The following DCC variants were observed in gnomAD, a reference collection of about 807,000 sequenced individuals.
DCC encodes the protein netrin receptor DCC.
Under a neutral mutation model 172.5 loss-of-function variants are expected in DCC, and 58 were observed. That is an observed-to-expected ratio of 0.34 (90% confidence interval 0.27 to 0.42). The LOEUF (loss-of-function observed/expected upper bound fraction) is 0.42, where lower values mean the gene tolerates loss of function less well. Ranked by LOEUF, DCC falls within the 10% of genes least tolerant of loss-of-function variation. The probability of loss-of-function intolerance (pLI) is 1.00; values close to 1 mark genes in which losing one functional copy is unlikely to be tolerated. For synonymous variants in DCC, 709 were observed against 644.5 expected (o/e 1.10, Z -1.52); for missense variants, 1,740 against 1,791.0 (o/e 0.97, Z 0.51).
chr18:52,348,677 T>C (rs994216326), intron 1 of DCC, among the ~76,000 whole-genome samples: 1 of 152,228 alleles, frequency 6.6e-6, no homozygotes, highest in African/African-American at 2.4e-5. Context: ...CTGTTTCTTC[T>C]ACTAAGCAAC....
chr18:52,528,661 G>T (rs2032054247), intron 1 of DCC, among the ~76,000 whole-genome samples: 1 of 151,866 alleles, frequency 6.6e-6, no homozygotes, highest in Non-Finnish European at 1.5e-5. Context: ...TCATCATCAG[G>T]GAGATAGCAC....
chr18:52,574,122 A>T (rs973209036), intron 1 of DCC, among the ~76,000 whole-genome samples: 1 of 152,176 alleles, frequency 6.6e-6, no homozygotes, highest in Non-Finnish European at 1.5e-5. Flanking sequence ...TTGAATTTCT[A>T]TGATGTTGTT....
intron 7 of DCC, among the ~76,000 whole-genome samples, chr18:53,142,045 A>G (rs1032748316): frequency 2.6e-5 from 4 of 152,204 alleles, no homozygotes; most frequent in Non-Finnish European, 5.9e-5. Flanking sequence ...TGCTATGCCC[A>G]CTGGAGCACA....
chr18:53,483,994 GATA>G (rs2045870454), intron 25 of DCC, among the ~76,000 whole-genome samples: 4 of 151,108 alleles, frequency 2.6e-5, no homozygotes, highest in Non-Finnish European at 4.4e-5. Flanking sequence ...TAGATAGATA[GATA>G]GATAGATAGA....
chr18:53,163,154 C>A (rs1330475718), intron 8 of DCC, among the ~76,000 whole-genome samples: 1 of 152,160 alleles, frequency 6.6e-6, no homozygotes, highest in Non-Finnish European at 1.5e-5. Flanking sequence ...AAGACTAGTT[C>A]TTATTCATAA....
chr18:53,168,553 T>C (rs1381283727), intron 8 of DCC, among the ~76,000 whole-genome samples: 1 of 67,854 alleles, frequency 1.5e-5, no homozygotes, highest in Non-Finnish European at 2.7e-5. Context: ...CATCACACAC[T>C]GGGGTCTGTC....
At chr18:53,034,835 G>C (rs2042071459) in intron 5 of DCC, among the ~76,000 whole-genome samples, 1 of 151,940 alleles carries the variant, frequency 6.6e-6, no homozygotes, top group Admixed American at 6.6e-5. Flanking sequence ...CAGCCATGCT[G>C]GCCAACTTTT....
chr18:52,761,658 A>G (rs971313782), intron 2 of DCC, among the ~76,000 whole-genome samples: 1 of 152,126 alleles, frequency 6.6e-6, no homozygotes, highest in Non-Finnish European at 1.5e-5. Context: ...ACCCATGCAC[A>G]CACACACACC....
intron 1 of DCC, among the ~76,000 whole-genome samples, chr18:52,702,946 C>T (rs1366954711): frequency 6.6e-6 from 1 of 152,152 alleles, no homozygotes; most frequent in Non-Finnish European, 1.5e-5. Flanking sequence ...TTCGTTTCAA[C>T]TTAACTTTCT....
intron 1 of DCC, among the ~76,000 whole-genome samples, chr18:52,669,459 T>G (rs2144965620): frequency 6.6e-6 from 1 of 152,346 alleles, no homozygotes; most frequent in African/African-American, 2.4e-5. Flanking sequence ...ATAAGTTCCT[T>G]GCAAAGTTAG....
chr18:52,691,757 G>C (rs759281398), intron 1 of DCC, among the ~76,000 whole-genome samples: 1 of 152,024 alleles, frequency 6.6e-6, no homozygotes, highest in African/African-American at 2.4e-5. Context: ...ACCATTGTAC[G>C]GGGCACAGTT....
chr18:53,124,303 A>G (rs965347735), intron 7 of DCC, among the ~76,000 whole-genome samples: 7 of 152,108 alleles, frequency 4.6e-5, no homozygotes, highest in Non-Finnish European at 8.8e-5. Context: ...TAATTTGTAA[A>G]TATTTAATAT....
At chr18:53,285,221 G>A (rs146027002) in intron 12 of DCC, among the ~76,000 whole-genome samples, 4 of 152,256 alleles carry the variant, frequency 2.6e-5, no homozygotes, top group East Asian at 1.9e-4. Flanking sequence ...TGTCTCCAAC[G>A]CATGCCAGAT....
intron 5 of DCC, among the ~76,000 whole-genome samples, chr18:52,950,565 G>A (rs1367302819): frequency 1.3e-5 from 2 of 152,172 alleles, no homozygotes; most frequent in East Asian, 3.9e-4. Context: ...CTCACCAAGA[G>A]AGAAGGGTTA....
At chr18:53,351,941 G>C (rs975897566) in intron 15 of DCC, among the ~76,000 whole-genome samples, 1 of 151,896 alleles carries the variant, frequency 6.6e-6, no homozygotes, top group African/African-American at 2.4e-5. Context: ...AAAAGCCCAA[G>C]CTATTTTGTT....
chr18:53,427,170 T>C (rs1477043374), intron 21 of DCC, among the ~76,000 whole-genome samples: 1 of 152,120 alleles, frequency 6.6e-6, no homozygotes, highest in Non-Finnish European at 1.5e-5. Flanking sequence ...ATGAACTAGC[T>C]CTTGGAAATA....
At chr18:52,969,528 T>C (rs569748028) in intron 5 of DCC, among the ~76,000 whole-genome samples, 3 of 151,400 alleles carry the variant, frequency 2.0e-5, no homozygotes, top group African/African-American at 4.9e-5. Flanking sequence ...TTAGTTGACT[T>C]ACTTATCTCA....
At chr18:53,132,530 G>A (rs893985220) in intron 7 of DCC, among the ~76,000 whole-genome samples, 2 of 152,082 alleles carry the variant, frequency 1.3e-5, no homozygotes, top group African/African-American at 4.8e-5. Context: ...TGGCTCTTGT[G>A]ACAAGATTAT....
chr18:53,501,846 G>A (rs1280869174), intron 27 of DCC, among the ~76,000 whole-genome samples: 1 of 151,656 alleles, frequency 6.6e-6, no homozygotes, highest in Non-Finnish European at 1.5e-5. Flanking sequence ...AAGAAGATTT[G>A]ATGATAGATG....
Sources: allele counts gnomAD v4.1 joint callset (sites outside exome capture counted in the v4.1 genomes callset), GRCh38; gene constraint gnomAD v4.1.1; transcripts MANE v1.5; gene names NCBI Gene and HGNC (gene_info 2026-07-23, HGNC 2026-07-21).